MED4: variants seen among roughly 807,000 people sequenced by gnomAD.
MED4 encodes the protein mediator of RNA polymerase II transcription subunit 4.
Under a neutral mutation model 35.0 loss-of-function variants are expected in MED4, and 21 were observed. The observed-to-expected ratio is 0.60, with a 90% CI of 0.43 to 0.86. MED4 has a LOEUF of 0.86. Ranked by LOEUF, MED4 falls within the 40% of genes least tolerant of loss-of-function variation. The pLI is 0.00. For missense variants in MED4, 300 were observed against 319.4 expected (o/e 0.94, Z 0.46); for synonymous variants, 138 against 114.0 (o/e 1.21, Z -1.34).
chr13:48,081,027 T>C (rs1273705484), intron 5 of MED4, among the ~76,000 whole-genome samples: 3 of 152,280 alleles, frequency 2.0e-5, no homozygotes, highest in East Asian at 3.8e-4. Flanking sequence ...TCACCCTTAG[T>C]GCTTTCAGCA....
chr13:48,088,081 A>G (rs145178207), intron 2 of MED4, among the ~76,000 whole-genome samples: 1 of 152,306 alleles, frequency 6.6e-6, no homozygotes, highest in Admixed American at 6.5e-5. Context: ...ACATGAAGCT[A>G]TTGTGAGGAT....
rs74344184 is a variant in MED4, at chr13:48,093,375, A to G, written c.125+1579T>C. ...CGAAAGGCTATATAATCAGGTTAAT[A>G]GAAAAAAAAAGATCCTAAGTTATAA... On this transcript the variant is annotated intron_variant, in intron 1 of 6. Transcript: ENST00000258648. Among the ~76,000 whole-genome samples the G allele has an allele frequency of 3.8e-3, 575 of 152,336 alleles. 4 individuals are homozygous for G. Among genetic ancestry groups the G allele is most frequent in the African/African-American group, 0.013 (547 of 41,576 alleles).
At chr13:48,085,170 ATTT>A (rs56225303) in intron 3 of MED4, among the ~76,000 whole-genome samples, 60 of 139,376 alleles carry the variant, frequency 4.3e-4, no homozygotes, top group African/African-American at 1.5e-3. Flanking sequence ...TGCCCAGCTA[ATTT>A]TTTTTTTTTT....
At chr13:48,092,703 G>A (rs917289801) in intron 1 of MED4, among the ~76,000 whole-genome samples, 6 of 152,182 alleles carry the variant, frequency 3.9e-5, no homozygotes, top group African/African-American at 9.7e-5. Flanking sequence ...GATCAACAGC[G>A]TATGAAAACA....
At chr13:48,083,508 C>A (rs1342904024) in intron 3 of MED4, 80 bp from the exon 4 acceptor site, 2 of 1,073,800 alleles carry the variant, frequency 1.9e-6, no homozygotes, top group Middle Eastern at 2.0e-4. Context: ...TCACAAGATC[C>A]TTTAGCCTAC....
intron 2 of MED4, among the ~76,000 whole-genome samples, chr13:48,087,211 C>T (rs1369978683): frequency 1.4e-4 from 21 of 151,494 alleles, no homozygotes; most frequent in African/African-American, 5.1e-4. Context: ...ACTGAAAATA[C>T]AAAATTAGCT....
rs1442875898 is a variant in MED4 at position 48,086,383 on chromosome 13, T to C, written c.262A>G (p.Lys88Glu). Residue 88 changes from lysine to glutamate, a missense_variant, in exon 3 of 7, where the codon AAA (lysine) becomes GAA (glutamate). Transcript: ENST00000258648. ...ELMKLALNQG[K>E]IHHEMQVLEK... ...AAAACTTGCATTTCATGATGAATTT[T>C]TCCCTGATTAAGTGCCAATTTCATT... 36 of 1,613,694 alleles carry C rather than the reference T, an allele frequency of 2.2e-5. No individual in the cohort carries two copies. The highest frequency in any genetic ancestry group is 3.0e-5 in the Non-Finnish European group (35 of 1,179,896).
chr13:48,093,811 C>T (rs191047949), intron 1 of MED4: 2 of 180,334 alleles, frequency 1.1e-5, no homozygotes, highest in East Asian at 1.5e-4. Context: ...GGTAGCAATA[C>T]GATGGCAAGG....
intron 6 of MED4, among the ~76,000 whole-genome samples, chr13:48,079,452 G>A (rs1480524765): frequency 1.3e-5 from 2 of 152,130 alleles, no homozygotes; most frequent in Admixed American, 1.3e-4. Flanking sequence ...AATGAACTGG[G>A]TCTGAGAGGC....
At chr13:48,080,415 A>AAAAG (rs1391523331) in intron 5 of MED4, among the ~76,000 whole-genome samples, 6 of 150,500 alleles carry the variant, frequency 4.0e-5, no homozygotes, top group African/African-American at 1.5e-4. Context: ...AAAAAAAAAA[A>AAAAG]AAAGAAAGAA....
At chr13:48,094,823 T>C (rs1426899846) in intron 1 of MED4, 131 bp downstream of exon 1, 1 of 1,344,822 alleles carries the variant, frequency 7.4e-7, no homozygotes. Context: ...TCCATGACCC[T>C]CATGCACCCG....
chr13:48,078,816 C>T (rs1277825241), intron 6 of MED4, among the ~76,000 whole-genome samples: 2 of 152,048 alleles, frequency 1.3e-5, no homozygotes, highest in Non-Finnish European at 2.9e-5. Flanking sequence ...CCTGGTTGTA[C>T]TTTAGGTAGC....
chr13:48,093,572 T>C, intron 1 of MED4: 1 of 470,480 alleles, frequency 2.1e-6, no homozygotes, highest in Non-Finnish European at 4.4e-6. Context: ...ATGAGACCTT[T>C]CTGGAAGCCA....
intron 1 of MED4, among the ~76,000 whole-genome samples, chr13:48,091,460 G>T (rs984330080): frequency 3.3e-5 from 5 of 152,116 alleles, no homozygotes; most frequent in African/African-American, 1.2e-4. Context: ...TGGCTACCAG[G>T]CTATTTTTAC....
intron 2 of MED4, among the ~76,000 whole-genome samples, chr13:48,087,532 G>T (rs1379338122): frequency 6.6e-6 from 1 of 151,536 alleles, no homozygotes; most frequent in Non-Finnish European, 1.5e-5. Flanking sequence ...GCACAGTATT[G>T]TTTACAATGA....
intron 3 of MED4, among the ~76,000 whole-genome samples, chr13:48,085,170 A>ATTTTT (rs56225303): frequency 7.2e-6 from 1 of 139,364 alleles, no homozygotes; most frequent in African/African-American, 3.0e-5. Flanking sequence ...TGCCCAGCTA[A>ATTTTT]TTTTTTTTTT....
At chr13:48,086,481 C>CTAT (rs1950849657) in intron 2 of MED4, 29 bp from the exon 3 acceptor site, 2 of 1,595,154 alleles carry the variant, frequency 1.3e-6, no homozygotes, top group African/African-American at 2.7e-5. Context: ...TTAAATCAGA[C>CTAT]AATAGACTAC....
chr13:48,083,222 A>G (rs1950823215), intron 4 of MED4, 149 bp downstream of exon 4: 6 of 559,824 alleles, frequency 1.1e-5, no homozygotes, highest in Non-Finnish European at 1.8e-5. Context: ...AAAACCCAGC[A>G]CAATGCTAGA....
intron 3 of MED4, among the ~76,000 whole-genome samples, chr13:48,085,033 A>C (rs1950839166): frequency 1.3e-5 from 2 of 151,234 alleles, no homozygotes; most frequent in South Asian, 4.2e-4. Context: ...TGCCCAGCTA[A>C]ATTTTTTTGT....
Sources: gnomAD v4.1 joint callset for allele counts (sites outside exome capture counted in the v4.1 genomes callset) on GRCh38, gnomAD v4.1.1 for gene constraint, MANE v1.5 for transcripts, NCBI Gene and HGNC (gene_info 2026-07-23, HGNC 2026-07-21) for gene names.